ARHGAP28: variants seen among roughly 807,000 people sequenced by gnomAD.
ARHGAP28 encodes Rho GTPase activating protein 28, also known as rho GTPase-activating protein 28.
In ARHGAP28, 56 loss-of-function variants were observed where a neutral mutation model predicts 90.7. The ratio of observed to expected loss-of-function variants is 0.62; its 90% CI spans 0.50 to 0.77. ARHGAP28 has a LOEUF of 0.77. Among genes scored for constraint, ARHGAP28 ranks in the 30% least tolerant of loss-of-function variants. The probability of loss-of-function intolerance (pLI) is 0.00; values close to 1 mark genes in which losing one functional copy is unlikely to be tolerated. For missense variants in ARHGAP28, 869 were observed against 900.9 expected (o/e 0.96, Z 0.45); for synonymous variants, 308 against 323.3 (o/e 0.95, Z 0.51).
At chr18:6,801,000 T>C (rs2056477639) in intron 1 of ARHGAP28, among the ~76,000 whole-genome samples, 1 of 152,208 alleles carries the variant, frequency 6.6e-6, no homozygotes, top group Admixed American at 6.5e-5. Flanking sequence ...GTCAATGTCT[T>C]TTGAAGAGCA....
At chr18:6,739,268 C>T (rs2055954601) in intron 1 of ARHGAP28, among the ~76,000 whole-genome samples, 1 of 152,082 alleles carries the variant, frequency 6.6e-6, no homozygotes, top group Non-Finnish European at 1.5e-5. Flanking sequence ...TAGCAACCAG[C>T]AAGAGCAACT....
At chr18:6,730,330 T>C (rs1360866386) in intron 1 of ARHGAP28, among the ~76,000 whole-genome samples, 3 of 151,172 alleles carry the variant, frequency 2.0e-5, no homozygotes, top group Non-Finnish European at 4.4e-5. Context: ...AAACAGTAAA[T>C]GAATAACCCT....
intron 2 of ARHGAP28, among the ~76,000 whole-genome samples, chr18:6,825,925 A>G (rs1014105735): frequency 1.3e-5 from 2 of 152,174 alleles, no homozygotes; most frequent in Non-Finnish European, 2.9e-5. Flanking sequence ...ATACAAGTGC[A>G]TGTGTCTTTT....
At chr18:6,750,528 A>G (rs2056060674) in intron 1 of ARHGAP28, among the ~76,000 whole-genome samples, 1 of 152,208 alleles carries the variant, frequency 6.6e-6, no homozygotes, top group Admixed American at 6.5e-5. Flanking sequence ...AAGAATGTCA[A>G]AGACTGGATA....
chr18:6,783,845 A>G (rs1486686405), intron 1 of ARHGAP28, among the ~76,000 whole-genome samples: 1 of 152,014 alleles, frequency 6.6e-6, no homozygotes, highest in Non-Finnish European at 1.5e-5. Context: ...TCTATTCTGT[A>G]CCCAAGACCA....
intron 1 of ARHGAP28, among the ~76,000 whole-genome samples, chr18:6,804,002 A>T (rs923572783): frequency 1.3e-5 from 2 of 152,062 alleles, no homozygotes; most frequent in Non-Finnish European, 2.9e-5. Flanking sequence ...GATGATCTTG[A>T]TTTCCTGACC....
chr18:6,867,806 T>G (rs2057049291), intron 5 of ARHGAP28, among the ~76,000 whole-genome samples: 1 of 152,320 alleles, frequency 6.6e-6, no homozygotes, highest in South Asian at 2.1e-4. Flanking sequence ...GCATCATAAT[T>G]TCTACATCTT....
In ARHGAP28 at chr18:6,914,982, A is replaced by G. The variant is rs1225070679; in HGVS notation, c.*2828A>G. 1.3e-5 allele frequency: 2 copies of G among 152,650 alleles called. No individual in the cohort carries two copies. The highest frequency in any genetic ancestry group is 4.8e-5 in the African/African-American group (2 of 41,458). The allele number at this position is 152,650 out of a possible 1,614,324, so 9.5% of individuals were successfully genotyped here. On this transcript the variant is annotated 3_prime_UTR_variant, in exon 18 of 18. Coordinates refer to ENST00000383472, the MANE Select transcript of ARHGAP28 (RefSeq NM_001366230.1). The stretch of plus-strand genomic sequence containing the variant: ...CTCACTTGCCTTTCTTGGGAAAAAA[A>G]AAATGAATGGACTTTAACAATTGTT...
chr18:6,761,398 T>G (rs2056158940), intron 1 of ARHGAP28, among the ~76,000 whole-genome samples: 1 of 152,190 alleles, frequency 6.6e-6, no homozygotes, highest in Non-Finnish European at 1.5e-5. Flanking sequence ...GTCTTGGATA[T>G]TCACCCAAAT....
At chr18:6,748,937 C>T (rs1176020295) in intron 1 of ARHGAP28, among the ~76,000 whole-genome samples, 1 of 152,084 alleles carries the variant, frequency 6.6e-6, no homozygotes, top group African/African-American at 2.4e-5. Flanking sequence ...AGTCACTAGT[C>T]TTGTGTGTCA....
At chr18:6,888,655 C>G (rs2057240782) in intron 12 of ARHGAP28, among the ~76,000 whole-genome samples, 1 of 152,034 alleles carries the variant, frequency 6.6e-6, no homozygotes, top group Non-Finnish European at 1.5e-5. Context: ...AAAAAAAATT[C>G]ATCTGTTATC....
At chr18:6,730,481 T>G (rs549915611) in intron 1 of ARHGAP28, among the ~76,000 whole-genome samples, 58 of 152,218 alleles carry the variant, frequency 3.8e-4, no homozygotes, top group African/African-American at 1.4e-3. Flanking sequence ...AACCTTTCAA[T>G]TGTATAAAGG....
chr18:6,894,794 T>C, intron 14 of ARHGAP28, 41 bp from the exon 15 acceptor site: 1 of 1,582,460 alleles, frequency 6.3e-7, no homozygotes, highest in Non-Finnish European at 8.7e-7. Flanking sequence ...AACATATGCT[T>C]GTTTTCTCAA....
chr18:6,890,581 C>G, intron 14 of ARHGAP28, 38 bp downstream of exon 14: 1 of 1,362,384 alleles, frequency 7.3e-7, no homozygotes, highest in South Asian at 1.3e-5. Context: ...TGTCCACTGC[C>G]TAGATTTGTA....
chr18:6,814,842 G>A (rs1424423645), intron 1 of ARHGAP28, among the ~76,000 whole-genome samples: 1 of 152,174 alleles, frequency 6.6e-6, no homozygotes, highest in African/African-American at 2.4e-5. Flanking sequence ...TGTAAATTCA[G>A]AAGCACAAAA....
chr18:6,909,301 T>TTTTCTTTTC (rs56989288), intron 17 of ARHGAP28, among the ~76,000 whole-genome samples: 946 of 31,628 alleles, frequency 0.03, 34 homozygotes, highest in African/African-American at 0.044. Context: ...TTTTCTTTTC[T>TTTTCTTTTC]TTTTTTTTTG....
intron 1 of ARHGAP28, among the ~76,000 whole-genome samples, chr18:6,751,132 G>A (rs2056065603): frequency 6.6e-6 from 1 of 152,026 alleles, no homozygotes. Context: ...GAGAGAGGGA[G>A]GCAATGTATG....
chr18:6,865,019 G>A (rs1236930416), intron 5 of ARHGAP28, among the ~76,000 whole-genome samples: 1 of 152,164 alleles, frequency 6.6e-6, no homozygotes, highest in Admixed American at 6.5e-5. Flanking sequence ...TATTTTTAAA[G>A]AGATAACTAA....
At chr18:6,864,047 G>GTTTATT (rs577946790) in intron 5 of ARHGAP28, among the ~76,000 whole-genome samples, 2,855 of 151,684 alleles carry the variant, frequency 0.019, 73 homozygotes, top group African/African-American at 0.065. Context: ...CGCCTGGCTT[G>GTTTATT]TTTATTTTTA....
Sources: allele counts gnomAD v4.1 joint callset (sites outside exome capture counted in the v4.1 genomes callset), GRCh38; gene constraint gnomAD v4.1.1; transcripts MANE v1.5; gene names NCBI Gene and HGNC (gene_info 2026-07-23, HGNC 2026-07-21).